The following HECW1 variants were observed in gnomAD, a reference collection of about 807,000 sequenced individuals.
HECW1 encodes HECT, C2 and WW domain containing E3 ubiquitin protein ligase 1, also known as E3 ubiquitin-protein ligase HECW1.
HECW1 carries 61 observed loss-of-function variants against 182.3 expected under a neutral mutation model. The ratio of observed to expected loss-of-function variants is 0.33; its 90% confidence interval spans 0.27 to 0.41. The LOEUF (loss-of-function observed/expected upper bound fraction) is 0.41. HECW1 is among the 10% of genes least tolerant of loss of function. HECW1 has a pLI of 1.00. For missense variants in HECW1, 1,739 were observed against 2,108.9 expected (o/e 0.82, Z 3.44); for synonymous variants, 859 against 832.6 (o/e 1.03, Z -0.55).
At chr7:43,304,382 C>T (rs1246047922) in intron 3 of HECW1, among the ~76,000 whole-genome samples, 4 of 152,174 alleles carry the variant, frequency 2.6e-5, no homozygotes, top group Non-Finnish European at 5.9e-5. Context: ...AATTCCTGAG[C>T]TCAAGGAGCA....
At chr7:43,244,169 G>A (rs185332466) in intron 3 of HECW1, among the ~76,000 whole-genome samples, 2 of 152,174 alleles carry the variant, frequency 1.3e-5, no homozygotes, top group African/African-American at 4.8e-5. Context: ...AGTCCTCCTT[G>A]TGTGATGTGA....
chr7:43,113,038 C>G (rs1562753077), intron 1 of HECW1, 101 bp downstream of exon 1: 1 of 187,704 alleles, frequency 5.3e-6, no homozygotes. Context: ...AGCGCCCTCC[C>G]TTCTCGGGGC....
At chr7:43,308,078 ATATAT>A (rs1330842575) in intron 3 of HECW1, among the ~76,000 whole-genome samples, 16 of 108,170 alleles carry the variant, frequency 1.5e-4, no homozygotes, top group Non-Finnish European at 2.7e-4. Context: ...TATAAATATA[ATATAT>A]TATATATTAT....
intron 19 of HECW1, among the ~76,000 whole-genome samples, chr7:43,500,417 G>C (rs966566382): frequency 6.6e-6 from 1 of 152,048 alleles, no homozygotes; most frequent in African/African-American, 2.4e-5. Flanking sequence ...TCTTTCAGGA[G>C]CAATCTCTTA....
intron 4 of HECW1, among the ~76,000 whole-genome samples, chr7:43,314,831 T>A (rs75454649): frequency 0.014 from 2,087 of 152,370 alleles, 45 homozygotes; most frequent in African/African-American, 0.046. Context: ...TTTCCGTGCT[T>A]TGCCAGAGAT....
At chr7:43,527,146 G>T (rs564320723) in intron 24 of HECW1, among the ~76,000 whole-genome samples, 1 of 152,164 alleles carries the variant, frequency 6.6e-6, no homozygotes, top group South Asian at 2.1e-4. Flanking sequence ...CCCTTCTTGC[G>T]TGAAATTAAA....
chr7:43,221,341 T>C (rs530289941), intron 2 of HECW1, among the ~76,000 whole-genome samples: 38 of 152,148 alleles, frequency 2.5e-4, no homozygotes, highest in African/African-American at 9.2e-4. Context: ...TTTTATATTT[T>C]GATCTCTTTA....
intron 6 of HECW1, among the ~76,000 whole-genome samples, chr7:43,381,307 G>C (rs952418405): frequency 6.6e-6 from 1 of 152,010 alleles, no homozygotes; most frequent in African/African-American, 2.4e-5. Flanking sequence ...GTGAATTAAA[G>C]TTCTTACTTT....
At chr7:43,507,516 C>T (rs545174620) in intron 22 of HECW1, among the ~76,000 whole-genome samples, 2 of 151,916 alleles carry the variant, frequency 1.3e-5, no homozygotes, top group Non-Finnish European at 2.9e-5. Flanking sequence ...AAAGGCATGT[C>T]GAAAATCACA....
In HECW1 at chr7:43,243,601, A is replaced by C. The variant is rs1360414297; in HGVS notation, c.-31-274A>C. ...CAGATCCTTGTTTCTTGAAAAAGAA[A>C]AAAAAAAATTCTAGGCTCATGAGTC... On this transcript the variant is annotated intron_variant, in intron 2 of 29. Transcript: ENST00000395891. The surrounding 1 kb of genome is among the most constrained non-coding windows in gnomAD (Gnocchi z 4.0). 1.3e-5 allele frequency among the ~76,000 whole-genome samples: 2 copies of C among 152,132 alleles called. No homozygotes were observed. Among genetic ancestry groups the C allele is most frequent in the Non-Finnish European group, 2.9e-5 (2 of 68,026 alleles).
chr7:43,355,716 G>A (rs866318937), intron 5 of HECW1, among the ~76,000 whole-genome samples: 2 of 152,176 alleles, frequency 1.3e-5, no homozygotes, highest in Non-Finnish European at 2.9e-5. Context: ...CAGAGGCCAG[G>A]CACAGTAGCT....
intron 3 of HECW1, among the ~76,000 whole-genome samples, chr7:43,254,323 C>G (rs1800340546): frequency 1.3e-5 from 2 of 151,936 alleles, no homozygotes; most frequent in African/African-American, 4.8e-5. Context: ...GAAAATAACA[C>G]AGGTAATTGT....
intron 5 of HECW1, among the ~76,000 whole-genome samples, chr7:43,341,694 A>C (rs988216332): frequency 2.0e-5 from 3 of 151,772 alleles, no homozygotes; most frequent in African/African-American, 7.3e-5. Flanking sequence ...TTTAAAATTA[A>C]TTTAATTTTA....
chr7:43,312,992 C>T (rs999611108), intron 4 of HECW1, among the ~76,000 whole-genome samples: 5 of 152,182 alleles, frequency 3.3e-5, no homozygotes, highest in African/African-American at 9.7e-5. Flanking sequence ...CACACAACAC[C>T]GGATTTAACA....
chr7:43,346,476 T>C (rs528811739), intron 5 of HECW1, among the ~76,000 whole-genome samples: 132 of 152,314 alleles, frequency 8.7e-4, no homozygotes, highest in African/African-American at 3.0e-3. Flanking sequence ...CCTTGTGCCA[T>C]GCAAAAGCTC....
chr7:43,270,407 C>T (rs1279306045), intron 3 of HECW1, among the ~76,000 whole-genome samples: 2 of 152,192 alleles, frequency 1.3e-5, no homozygotes, highest in African/African-American at 2.4e-5. Flanking sequence ...GCAACTCGGG[C>T]TCTCCACAGG....
At chr7:43,131,014 C>G (rs1786856741) in intron 2 of HECW1, among the ~76,000 whole-genome samples, 1 of 152,098 alleles carries the variant, frequency 6.6e-6, no homozygotes, top group African/African-American at 2.4e-5. Flanking sequence ...ACCTGTAATC[C>G]TAACACTTTG....
At chr7:43,323,467 T>A (rs1810380978) in intron 5 of HECW1, among the ~76,000 whole-genome samples, 1 of 151,884 alleles carries the variant, frequency 6.6e-6, no homozygotes, top group Non-Finnish European at 1.5e-5. Context: ...ATGCCTGTAG[T>A]CGCAGCTACT....
At chr7:43,505,616 T>A (rs2079547540) in intron 21 of HECW1, among the ~76,000 whole-genome samples, 1 of 152,174 alleles carries the variant, frequency 6.6e-6, no homozygotes, top group African/African-American at 2.4e-5. Flanking sequence ...CAAACTGGAG[T>A]ACCGCTTTCC....
Sources: gnomAD v4.1 joint callset for allele counts (sites outside exome capture counted in the v4.1 genomes callset) on GRCh38, gnomAD v4.1.1 for gene constraint, Gnocchi (gnomAD v3.1) non-coding constraint, MANE v1.5 for transcripts, NCBI Gene and HGNC (gene_info 2026-07-23, HGNC 2026-07-21) for gene names.